ROCK1: variants seen among roughly 807,000 people sequenced by gnomAD.
The protein encoded by ROCK1 is Rho associated coiled-coil containing protein kinase 1.
A neutral mutation model predicts 196.8 loss-of-function variants in ROCK1; 36 were observed. The ratio of observed to expected loss-of-function variants is 0.18; its 90% CI spans 0.14 to 0.24. The LOEUF (loss-of-function observed/expected upper bound fraction) is 0.24, where lower values mean the gene tolerates loss of function less well. Among genes scored for constraint, ROCK1 ranks in the 10% least tolerant of loss-of-function variants. ROCK1 has a pLI of 1.00. For missense variants in ROCK1, 920 were observed against 1,562.0 expected (o/e 0.59, Z 6.93); for synonymous variants, 443 against 515.9 (o/e 0.86, Z 1.91).
rs181300640 is a variant in ROCK1 at position 21,028,653 on chromosome 18, A to G, written c.1211+123T>C. The G allele has an allele frequency of 9.7e-4, 757 of 784,196 alleles. 3 individuals carry two copies. Among genetic ancestry groups the G allele is most frequent in the Non-Finnish European group, 9.8e-4 (503 of 513,516 alleles). The allele number at this position is 784,196 out of a possible 1,614,324, so 48.6% of individuals were successfully genotyped here. On this transcript the variant is annotated intron_variant, in intron 10 of 32. Coordinates refer to ENST00000399799, the MANE Select transcript of ROCK1 (RefSeq NM_005406.3). The stretch of plus-strand genomic sequence containing the variant: ...GAAATACTGGAAATATCATGCATCA[A>G]TGAAAAATTGCATAATAAGGTGTAT...
intron 9 of ROCK1, among the ~76,000 whole-genome samples, chr18:21,035,458 G>A (rs373940321): frequency 4.6e-5 from 7 of 152,146 alleles, no homozygotes; most frequent in African/African-American, 1.4e-4. Flanking sequence ...CCTGGAGTTT[G>A]AGACTAGCCT....
rs1455460321 is a variant in ROCK1 at position 20,947,386 on chromosome 18, ATAG to A, written c.*3995_*3997del. On this transcript the variant is annotated 3_prime_UTR_variant, in exon 33 of 33. Transcript: ENST00000399799. The stretch of plus-strand genomic sequence containing the variant: ...TTGCATTTAATTTATTGCAATAAGC[ATAG>A]ATCTTGTCCAGAAAAAAAACACTAA... The A allele has an allele frequency of 4.6e-5, 7 of 152,252 alleles. No individual in the cohort carries two copies. The highest frequency in any genetic ancestry group is 8.8e-5 in the Non-Finnish European group (6 of 68,034). 9.4% of individuals were successfully genotyped at this position (152,252 alleles called of 1,614,324 possible).
chr18:21,084,756 T>A lies in ROCK1; in HGVS notation c.94-14143A>T, dbSNP rs542776692. The stretch of plus-strand genomic sequence containing the variant: ...TGATCAGTAATTCCACTTCTGGGTA[T>A]ACACCCAAAGGAACCGAAAGAAGGG... On this transcript the variant is annotated intron_variant, in intron 1 of 32. Coordinates refer to ENST00000399799, the MANE Select transcript of ROCK1 (RefSeq NM_005406.3). Among the ~76,000 whole-genome samples, 88 of 152,334 alleles carry A rather than the reference T, an allele frequency of 5.8e-4. 1 individual carries two copies. The highest frequency in any genetic ancestry group is 1.9e-3 in the African/African-American group (80 of 41,574).
intron 27 of ROCK1, among the ~76,000 whole-genome samples, chr18:20,961,818 C>CTTTTTTTTTTTTTTTTTTTTTTTTCT (rs11334095): frequency 1.7e-5 from 2 of 117,210 alleles, no homozygotes; most frequent in Non-Finnish European, 3.5e-5. Flanking sequence ...TTTCTTTTTC[C>CTTTTTTTTTTTTTTTTTTTTTTTTCT]TTTTTTTTTT....
chr18:21,015,579 G>T, intron 12 of ROCK1, 100 bp from the exon 13 acceptor site: 2 of 762,314 alleles, frequency 2.6e-6, no homozygotes, highest in Non-Finnish European at 4.4e-6. Flanking sequence ...CTAGAGTTTT[G>T]TATCCTTTCT....
chr18:21,059,939 T>G (rs2036274395), intron 2 of ROCK1, among the ~76,000 whole-genome samples: 1 of 152,190 alleles, frequency 6.6e-6, no homozygotes, highest in African/African-American at 2.4e-5. Context: ...AAAAGACCAT[T>G]TTATTGATGA....
intron 13 of ROCK1, among the ~76,000 whole-genome samples, chr18:21,008,431 G>A (rs558258765): frequency 2.2e-4 from 34 of 152,286 alleles, no homozygotes; most frequent in African/African-American, 7.7e-4. Flanking sequence ...GCACCACTGC[G>A]TCCAGCTAAT....
intron 18 of ROCK1, among the ~76,000 whole-genome samples, chr18:20,987,548 T>C (rs1299015338): frequency 2.6e-5 from 4 of 152,222 alleles, no homozygotes. Context: ...CTCCAATTTA[T>C]ACAATTCAGA....
At chr18:21,081,968 T>C in intron 1 of ROCK1, among the ~76,000 whole-genome samples, 1 of 152,230 alleles carries the variant, frequency 6.6e-6, no homozygotes, top group East Asian at 1.9e-4. Flanking sequence ...TTTCCTTTTT[T>C]TGAGGCAGGG....
At chr18:20,985,150 T>A (rs1174026410) in intron 19 of ROCK1, among the ~76,000 whole-genome samples, 1 of 152,046 alleles carries the variant, frequency 6.6e-6, no homozygotes, top group East Asian at 1.9e-4. Context: ...GTACTTAAAT[T>A]TACCTGTCTA....
chr18:21,056,351 T>C (rs1428485754), intron 2 of ROCK1, among the ~76,000 whole-genome samples: 1 of 152,204 alleles, frequency 6.6e-6, no homozygotes, highest in African/African-American at 2.4e-5. Flanking sequence ...CCAAAACTTA[T>C]ACCTATGTGT....
rs1296107936 is a variant in ROCK1 at position 21,111,656 on chromosome 18, C to G, written c.-746G>C. 1 of 151,752 alleles carries G rather than the reference C, an allele frequency of 6.6e-6. No homozygotes were observed. The highest frequency in any genetic ancestry group is 2.5e-5 in the African/African-American group (1 of 40,686). The allele number at this position is 151,752 out of a possible 1,614,324, so 9.4% of individuals were successfully genotyped here. On this transcript the variant is annotated 5_prime_UTR_variant, in exon 1 of 33. Coordinates refer to ENST00000399799, the MANE Select transcript of ROCK1 (RefSeq NM_005406.3). The surrounding 1 kb of genome is among the most constrained non-coding windows in gnomAD (Gnocchi z 4.2). The stretch of plus-strand genomic sequence containing the variant: ...GAGGAAGACGATAGTTGGGTCCCGG[C>G]GGCTGCTGATGGGGGAGCTTCTGGG...
chr18:21,045,910 T>C (rs1220391423), intron 4 of ROCK1, among the ~76,000 whole-genome samples: 13 of 128,724 alleles, frequency 1.0e-4, no homozygotes, highest in African/African-American at 3.9e-4. Flanking sequence ...TTTTTTTTTT[T>C]TTTTTTTTTT....
chr18:21,009,554 T>G (rs2035798899), intron 13 of ROCK1, among the ~76,000 whole-genome samples: 1 of 152,134 alleles, frequency 6.6e-6, no homozygotes, highest in South Asian at 2.1e-4. Context: ...TTTTCATTTT[T>G]CTGGAATACA....
At chr18:20,970,559 A>G (rs1212583624) in intron 22 of ROCK1, 46 bp from the exon 23 acceptor site, 2 of 1,319,894 alleles carry the variant, frequency 1.5e-6, no homozygotes, top group Admixed American at 2.0e-5. Context: ...AATTCAGTTC[A>G]TCCTTCCAAC....
chr18:20,955,812 C>T (rs911435502), intron 29 of ROCK1, among the ~76,000 whole-genome samples: 1 of 149,220 alleles, frequency 6.7e-6, no homozygotes, highest in African/African-American at 2.5e-5. Context: ...GGGAATTATA[C>T]TGAATGGGAA....
intron 2 of ROCK1, among the ~76,000 whole-genome samples, chr18:21,066,841 C>T (rs376032631): frequency 1.3e-5 from 2 of 152,338 alleles, no homozygotes; most frequent in Non-Finnish European, 2.9e-5. Context: ...CTGACGGGCA[C>T]TTGAGTTGCT....
chr18:21,060,743 GCA>G (rs1185695424), intron 2 of ROCK1, among the ~76,000 whole-genome samples: 1 of 150,734 alleles, frequency 6.6e-6, no homozygotes, highest in Admixed American at 6.7e-5. Context: ...GGAGGCTGAG[GCA>G]GGAGAACTGC....
rs1167843453 is a variant in ROCK1 at position 20,959,022 on chromosome 18, AAT to A, written c.3512+816_3512+817del. 6.9e-3 allele frequency among the ~76,000 whole-genome samples: 493 copies of A among 71,916 alleles called. 2 individuals carry two copies. The highest frequency in any genetic ancestry group is 0.014 in the Middle Eastern group (2 of 148). The allele number at this position is 71,916 out of a possible 152,430, so 47.2% of individuals were successfully genotyped here. On this transcript the variant is annotated intron_variant, in intron 29 of 32. Coordinates refer to ENST00000399799, the MANE Select transcript of ROCK1 (RefSeq NM_005406.3). ...TATATATATTTTATATAATATATATAATATATATATTTTATATAATATATAAT... is the reference window on the plus strand; with the variant it reads ...TATATATATTTTATATAATATATATAATATATATTTTATATAATATATAAT...
Sources: gnomAD v4.1 joint callset for allele counts (sites outside exome capture counted in the v4.1 genomes callset) on GRCh38, gnomAD v4.1.1 for gene constraint, Gnocchi (gnomAD v3.1) non-coding constraint, MANE v1.5 for transcripts, NCBI Gene and HGNC (gene_info 2026-07-23, HGNC 2026-07-21) for gene names.